Variants in PDE4D observed in about 807,000 individuals in gnomAD.
PDE4D encodes phosphodiesterase 4D.
A neutral mutation model predicts 87.4 loss-of-function variants in PDE4D; 24 were observed. The observed-to-expected ratio is 0.27, with a 90% CI of 0.20 to 0.39. PDE4D has a LOEUF of 0.39. PDE4D is among the 10% of genes least tolerant of loss of function. The pLI is 1.00. For synonymous variants in PDE4D, 384 were observed against 383.2 expected, an observed-to-expected ratio of 1.00 and a Z score of -0.02; for missense variants, 714 against 1,041.0, an observed-to-expected ratio of 0.69 and a Z score of 4.32.
intron 1 of PDE4D, among the ~76,000 whole-genome samples, chr5:59,781,166 CAAAAAAA>C (rs11450737): frequency 7.2e-5 from 5 of 69,120 alleles, no homozygotes; most frequent in Non-Finnish European, 1.0e-4. Flanking sequence ...AACTCCTTCT[CAAAAAAA>C]AAAAAAAAAA....
chr5:59,483,157 G>T (rs1184100386), intron 1 of PDE4D, among the ~76,000 whole-genome samples: 1 of 152,142 alleles, frequency 6.6e-6, no homozygotes, highest in Non-Finnish European at 1.5e-5. Context: ...TATCAAGCCT[G>T]CCAGCTTTCA....
At chr5:59,547,648 A>G (rs1817494388) in intron 1 of PDE4D, among the ~76,000 whole-genome samples, 1 of 152,194 alleles carries the variant, frequency 6.6e-6, no homozygotes, top group Admixed American at 6.6e-5. Context: ...GCAGAACTTT[A>G]AAAGACTTAG....
chr5:59,632,498 G>C (rs761103386), intron 1 of PDE4D, among the ~76,000 whole-genome samples: 1 of 152,174 alleles, frequency 6.6e-6, no homozygotes, highest in African/African-American at 2.4e-5. Context: ...GAGAGTTCTG[G>C]CTGGCATCTG....
chr5:59,508,561 A>AT (rs1171049507), intron 1 of PDE4D, among the ~76,000 whole-genome samples: 2 of 152,150 alleles, frequency 1.3e-5, no homozygotes, highest in African/African-American at 2.4e-5. Context: ...TAGAAAATGC[A>AT]TAAAAAAAAT....
Position 58,974,931 on chromosome 5 carries a change from A to G in PDE4D, c.2163T>C (p.Asp721=). Residue 721 remains aspartate (D), a synonymous_variant, in exon 15 of 15, where the codon GAT becomes GAC. Transcript: ENST00000340635. ...GACCCTGCCGGCCCTCCTCTGGGTCATCAGGTGCAGGAGAGGGGCTCTGAG... is the reference window on the plus strand; with the variant it reads ...GACCCTGCCGGCCCTCCTCTGGGTCGTCAGGTGCAGGAGAGGGGCTCTGAG... The part of the protein sequence containing the change: ...TIPQSPSPAP[D]DPEEGRQGQT... 2 of 1,613,390 alleles carry G rather than the reference A, an allele frequency of 1.2e-6. No homozygotes were observed. The highest frequency in any genetic ancestry group is 1.7e-5 in the Admixed American group (1 of 59,976).
intron 1 of PDE4D, among the ~76,000 whole-genome samples, chr5:59,350,974 C>T (rs978761823): frequency 3.3e-5 from 5 of 152,090 alleles, no homozygotes; most frequent in African/African-American, 1.2e-4. Context: ...ATTTATAAGC[C>T]AGCTCTATTG....
chr5:59,767,048 TC>T (rs144736529), intron 1 of PDE4D, among the ~76,000 whole-genome samples: 3,494 of 152,286 alleles, frequency 0.023, 63 homozygotes, highest in Non-Finnish European at 0.033. Flanking sequence ...TCATTGACTT[TC>T]ATCTATAACA....
chr5:59,374,632 T>C (rs1784425317), intron 1 of PDE4D, among the ~76,000 whole-genome samples: 1 of 151,888 alleles, frequency 6.6e-6, no homozygotes, highest in African/African-American at 2.4e-5. Context: ...AGACAGGAAA[T>C]TAAGATATTC....
At chr5:59,127,580 T>C (rs1775599486) in intron 5 of PDE4D, among the ~76,000 whole-genome samples, 1 of 150,414 alleles carries the variant, frequency 6.6e-6, no homozygotes, top group Non-Finnish European at 1.5e-5. Context: ...AGCCACGACT[T>C]CCCTCTTTGC....
intron 1 of PDE4D, among the ~76,000 whole-genome samples, chr5:59,411,806 C>A (rs140221162): frequency 1.9e-4 from 29 of 152,298 alleles, no homozygotes; most frequent in African/African-American, 6.5e-4. Context: ...TAAAAAAGAT[C>A]ACATTTAAAA....
At chr5:59,265,144 A>C (rs1233615453) in intron 1 of PDE4D, among the ~76,000 whole-genome samples, 1 of 152,010 alleles carries the variant, frequency 6.6e-6, no homozygotes, top group African/African-American at 2.4e-5. Context: ...GGTGGCACCC[A>C]GTAGGAAAGA....
chr5:60,046,317 G>C, intron 2 of PDE4D, among the ~76,000 whole-genome samples: 1 of 151,778 alleles, frequency 6.6e-6, no homozygotes, highest in East Asian at 1.9e-4. Context: ...TGCAAACAGG[G>C]ACAATTTGAC....
At chr5:60,043,225 A>G (rs1473518483) in intron 2 of PDE4D, among the ~76,000 whole-genome samples, 2 of 151,990 alleles carry the variant, frequency 1.3e-5, no homozygotes. Flanking sequence ...AATGAAAGAA[A>G]GGGTGAAGAC....
At chr5:60,247,789 T>TA (rs1409886891) in intron 1 of PDE4D, among the ~76,000 whole-genome samples, 1 of 151,944 alleles carries the variant, frequency 6.6e-6, no homozygotes, top group African/African-American at 2.4e-5. Context: ...TTCATATAAG[T>TA]GTTCACTGCT....
chr5:60,097,736 C>A (rs754110163), intron 2 of PDE4D, among the ~76,000 whole-genome samples: 1 of 151,178 alleles, frequency 6.6e-6, no homozygotes, highest in Non-Finnish European at 1.5e-5. Flanking sequence ...TTCAATATAT[C>A]CTGTGTGTGT....
At chr5:59,449,504 T>C (rs1043357927) in intron 1 of PDE4D, among the ~76,000 whole-genome samples, 3 of 152,228 alleles carry the variant, frequency 2.0e-5, no homozygotes, top group Middle Eastern at 3.2e-3. Flanking sequence ...CCTTGGAGCC[T>C]TTATATGAAT....
chr5:59,628,456 T>G (rs1831165433), intron 1 of PDE4D, among the ~76,000 whole-genome samples: 1 of 152,248 alleles, frequency 6.6e-6, no homozygotes, highest in Non-Finnish European at 1.5e-5. Flanking sequence ...TTAGATTTAT[T>G]AAAATAAAAT....
chr5:60,297,618 C>A (rs555719905), intron 1 of PDE4D, among the ~76,000 whole-genome samples: 9 of 152,174 alleles, frequency 5.9e-5, no homozygotes, highest in African/African-American at 2.2e-4. Flanking sequence ...ACATTCTATC[C>A]AATTGTATAA....
intron 2 of PDE4D, among the ~76,000 whole-genome samples, chr5:60,094,178 C>G (rs1234630953): frequency 1.3e-5 from 2 of 152,146 alleles, no homozygotes; most frequent in Non-Finnish European, 2.9e-5. Context: ...TTCCCTCTTT[C>G]CTGAGTCTCA....
Sources: allele counts gnomAD v4.1 joint callset (sites outside exome capture counted in the v4.1 genomes callset), GRCh38; gene constraint gnomAD v4.1.1; transcripts MANE v1.5; gene names NCBI Gene and HGNC (gene_info 2026-07-23, HGNC 2026-07-21).